The following PFKFB3 variants were observed in gnomAD, a reference collection of about 807,000 sequenced individuals.
PFKFB3 encodes the protein 6-phosphofructo-2-kinase/fructose-2,6-bisphosphatase 3.
In PFKFB3, 33 loss-of-function variants were observed where a neutral mutation model predicts 68.0. The observed-to-expected ratio is 0.49, with a 90% CI of 0.37 to 0.65. The LOEUF (loss-of-function observed/expected upper bound fraction) is 0.65, where lower values mean the gene tolerates loss of function less well. PFKFB3 is among the 30% of genes least tolerant of loss of function. The probability of loss-of-function intolerance (pLI) is 0.00; values close to 1 mark genes in which losing one functional copy is unlikely to be tolerated. For missense variants in PFKFB3, 586 were observed against 712.2 expected (o/e 0.82, Z 2.02); for synonymous variants, 315 against 288.2 (o/e 1.09, Z -0.94).
chr10:6,219,461 T>C lies in PFKFB3; in HGVS notation c.499-108T>C. ...CTTACACGCTGGGCCGGATAATCTT[T>C]ATACTGAGCCTTCTGTGCGCTCCCC... is the stretch of plus-strand genomic sequence containing the variant. On this transcript the variant is annotated intron_variant, in intron 6 of 14. Transcript: ENST00000379775. 2.5e-6 allele frequency: 3 copies of C among 1,214,774 alleles called. No individual in the cohort carries two copies. The South Asian group carries it at 3.7e-5, about 15-fold the overall frequency. The allele number at this position is 1,214,774 out of a possible 1,614,324, so 75.2% of individuals were successfully genotyped here. A position where few individuals can be genotyped will look rare whatever the true frequency, so the allele number is the denominator to read the frequency against.
At chr10:6,309,334 T>G in the PFKFB3 span, among the ~76,000 whole-genome samples, 1 of 152,046 alleles carries the variant, frequency 6.6e-6, no homozygotes, top group Non-Finnish European at 1.5e-5. Context: ...GAGGCCGAAG[T>G]GTGTGGCATG....
intron 14 of PFKFB3, chr10:6,231,683 T>A: frequency 1.4e-6 from 1 of 704,548 alleles, no homozygotes; most frequent in Non-Finnish European, 1.7e-6. Context: ...GGGCTCTCCC[T>A]AGATATGAGG....
At chr10:6,161,586 A>G (rs868475560) in intron 1 of PFKFB3, among the ~76,000 whole-genome samples, 6 of 146,874 alleles carry the variant, frequency 4.1e-5, no homozygotes, top group Middle Eastern at 6.8e-3. Context: ...ACACACACAC[A>G]TATATATATA....
chr10:6,228,343 AAGG>A lies in PFKFB3; in HGVS notation c.1515+1984_1515+1986del. On this transcript the variant is annotated intron_variant, in intron 14 of 14. Transcript: ENST00000379775. This position sits in a 1 kb window ranked among gnomAD's most constrained non-coding sequence, Gnocchi z 4.5. ...TGTGATGTGAGGTCTTCCGTGGGGG[AAGG>A]AGGAGATGGGCGTAGGAGTAGGGAG... 1 of 1,057,342 alleles carries A rather than the reference AAGG, an allele frequency of 9.5e-7. No individual in the cohort carries two copies. The highest frequency in any genetic ancestry group is 1.5e-6 in the Non-Finnish European group (1 of 683,764). 65.5% of individuals were successfully genotyped at this position (1,057,342 alleles called of 1,614,324 possible).
At chr10:6,211,094 G>A (rs1056549481) in intron 1 of PFKFB3, among the ~76,000 whole-genome samples, 6 of 152,178 alleles carry the variant, frequency 3.9e-5, no homozygotes, top group South Asian at 4.1e-4. Context: ...CTTACTATGC[G>A]ACAGAGCAGT....
In PFKFB3 at chr10:6,235,311, G is replaced by T. The variant is rs1406250875; in HGVS notation, c.*2369G>T. ...GATGTGCTATTTATTTATTTAATAT[G>T]TATAAGGAGCCTAAACAATAGAAAG... On this transcript the variant is annotated 3_prime_UTR_variant, in exon 15 of 15. Coordinates refer to ENST00000379775, the MANE Select transcript of PFKFB3 (RefSeq NM_004566.4). 1 of 152,610 alleles carries T rather than the reference G, an allele frequency of 6.6e-6. No homozygotes were observed. The highest frequency in any genetic ancestry group is 2.4e-5 in the African/African-American group (1 of 41,408). 9.5% of individuals were successfully genotyped at this position (152,610 alleles called of 1,614,324 possible). A position where few individuals can be genotyped will look rare whatever the true frequency, so the allele number is the denominator to read the frequency against.
Position 6,215,113 on chromosome 10 carries a change from G to A in PFKFB3, c.203-108G>A, listed in dbSNP as rs1844475062. On this transcript the variant is annotated intron_variant, in intron 2 of 14. Coordinates refer to ENST00000379775, the MANE Select transcript of PFKFB3 (RefSeq NM_004566.4). This position sits in a 1 kb window ranked among gnomAD's most constrained non-coding sequence, Gnocchi z 4.3. ...GCTTCCACACCATCTCATTCAAGTC[G>A]GTGTGGTTGGCCTGGTGGCTCTTCC... 2.0e-5 allele frequency: 17 copies of A among 834,672 alleles called. 1 individual carries two copies. The highest frequency in any genetic ancestry group is 7.8e-5 in the Admixed American group (4 of 51,160). The allele number at this position is 834,672 out of a possible 1,614,324, so 51.7% of individuals were successfully genotyped here.
chr10:6,219,320 A>G (rs1844794397), intron 6 of PFKFB3, among the ~76,000 whole-genome samples: 1 of 152,152 alleles, frequency 6.6e-6, no homozygotes, highest in South Asian at 2.1e-4. Context: ...TTCATTATGG[A>G]ATCCCTGTGG....
chr10:6,302,979 T>A, the PFKFB3 span, among the ~76,000 whole-genome samples: 3 of 152,322 alleles, frequency 2.0e-5, no homozygotes, highest in Non-Finnish European at 4.4e-5. Context: ...TCATGACTCT[T>A]GTGAGATAAC....
the PFKFB3 span, among the ~76,000 whole-genome samples, chr10:6,323,157 A>G: frequency 2.3e-3 from 346 of 152,336 alleles, 1 homozygote; most frequent in African/African-American, 8.0e-3. Flanking sequence ...CATTGGATAT[A>G]TCTGTATCTA....
chr10:6,269,073 T>A, the PFKFB3 span, among the ~76,000 whole-genome samples: 17 of 152,006 alleles, frequency 1.1e-4, no homozygotes, highest in East Asian at 2.9e-3. Flanking sequence ...ATTCATTTTT[T>A]AATTATTTAC....
At chr10:6,325,567 C>T in the PFKFB3 span, among the ~76,000 whole-genome samples, 1 of 152,016 alleles carries the variant, frequency 6.6e-6, no homozygotes. Context: ...TACACCATTT[C>T]AATCAGGAAA....
chr10:6,262,310 C>A, the PFKFB3 span, among the ~76,000 whole-genome samples: 1 of 150,266 alleles, frequency 6.7e-6, no homozygotes, highest in Non-Finnish European at 1.5e-5. Context: ...AAAAATTAGC[C>A]GGGTGGGGTG....
intron 1 of PFKFB3, among the ~76,000 whole-genome samples, chr10:6,174,010 A>G (rs1240759774): frequency 6.6e-6 from 1 of 152,094 alleles, no homozygotes; most frequent in Non-Finnish European, 1.5e-5. Context: ...CGGAAAGAAC[A>G]TAGATGATGT....
chr10:6,209,536 C>A (rs1844018539), intron 1 of PFKFB3, among the ~76,000 whole-genome samples: 1 of 151,580 alleles, frequency 6.6e-6, no homozygotes, highest in Non-Finnish European at 1.5e-5. Context: ...TGCATTGGTA[C>A]AATCTCGGCT....
At chr10:6,145,213 C>T (rs1478628487) in intron 1 of PFKFB3, among the ~76,000 whole-genome samples, 1 of 151,946 alleles carries the variant, frequency 6.6e-6, no homozygotes, top group African/African-American at 2.4e-5. Flanking sequence ...CCGCGTGTCC[C>T]TCCAGATCCG....
the PFKFB3 span, among the ~76,000 whole-genome samples, chr10:6,264,659 C>G: frequency 6.6e-6 from 1 of 152,186 alleles, no homozygotes; most frequent in Admixed American, 6.5e-5. Context: ...TCCCTTTACT[C>G]AAAATGTTTT....
chr10:6,148,270 C>T (rs1841461266), intron 1 of PFKFB3, among the ~76,000 whole-genome samples: 1 of 152,226 alleles, frequency 6.6e-6, no homozygotes, highest in Non-Finnish European at 1.5e-5. Context: ...ACCTCCTGGA[C>T]TGTCACACAG....
chr10:6,225,040 G>A (rs1160344227), intron 13 of PFKFB3: 3 of 444,538 alleles, frequency 6.7e-6, no homozygotes, highest in Non-Finnish European at 1.4e-5. Context: ...TGCAGCTGCT[G>A]TCTACCTTGG....
Sources: gnomAD v4.1 joint callset for allele counts (sites outside exome capture counted in the v4.1 genomes callset) on GRCh38, gnomAD v4.1.1 for gene constraint, Gnocchi (gnomAD v3.1) non-coding constraint, MANE v1.5 for transcripts, NCBI Gene and HGNC (gene_info 2026-07-23, HGNC 2026-07-21) for gene names.